The following CCDC34 variants were observed in gnomAD, a reference collection of about 807,000 sequenced individuals.
The protein encoded by CCDC34 is coiled-coil domain containing 34.
In CCDC34, 40 loss-of-function variants were observed where a neutral mutation model predicts 44.1. That is an observed-to-expected ratio of 0.91 (90% CI 0.70 to 1.18). The LOEUF (loss-of-function observed/expected upper bound fraction) is 1.18. Among genes scored for constraint, CCDC34 ranks in the 50% most tolerant of loss-of-function variants. CCDC34 has a pLI of 0.00. For missense variants in CCDC34, 466 were observed against 452.3 expected (o/e 1.03, Z -0.28); for synonymous variants, 159 against 158.2 (o/e 1.01, Z -0.04).
intron 3 of CCDC34, among the ~76,000 whole-genome samples, chr11:27,348,310 A>T (rs1194784925): frequency 2.0e-5 from 3 of 152,250 alleles, no homozygotes; most frequent in Non-Finnish European, 4.4e-5. Context: ...ATCTGAATTA[A>T]TGTCTTACAT....
intron 2 of CCDC34, 77 bp downstream of exon 2, chr11:27,357,326 T>G: frequency 7.1e-7 from 1 of 1,414,098 alleles, no homozygotes; most frequent in Non-Finnish European, 9.6e-7. Flanking sequence ...AATAATAACA[T>G]TAACATTTTA....
At chr11:27,359,415 G>C (rs1862626643) in intron 1 of CCDC34, among the ~76,000 whole-genome samples, 1 of 152,158 alleles carries the variant, frequency 6.6e-6, no homozygotes, top group Admixed American at 6.5e-5. Context: ...CAGATTAAGA[G>C]CTTAGATTTG....
intron 3 of CCDC34, among the ~76,000 whole-genome samples, chr11:27,345,700 G>C (rs1590324352): frequency 6.6e-6 from 1 of 152,108 alleles, no homozygotes; most frequent in South Asian, 2.1e-4. Context: ...GGACATTTGG[G>C]TTGGTTCCAA....
At chr11:27,346,955 G>A (rs945049024) in intron 3 of CCDC34, among the ~76,000 whole-genome samples, 7 of 152,202 alleles carry the variant, frequency 4.6e-5, no homozygotes, top group African/African-American at 1.7e-4. Flanking sequence ...GCCGTGGAGA[G>A]AGGCCACAGG....
chr11:27,363,004 C>T lies in CCDC34; in HGVS notation c.191G>A (p.Arg64Lys). 1 of 1,614,212 alleles carries T rather than the reference C, an allele frequency of 6.2e-7. No homozygotes were observed. The change falls in exon 1 of 6, where the codon AGG becomes AAG. Residue 64 changes from arginine to lysine, a missense_variant. By Grantham distance (26) the Arg-to-Lys change is conservative. Transcript: ENST00000328697. Reference sequence around the variant, plus strand: ...GTGGCCAAGGGGAGACAACAGCGACCTGGTGGAATTGCTGCAGCTCAGCGG... The same window carrying T: ...GTGGCCAAGGGGAGACAACAGCGACTTGGTGGAATTGCTGCAGCTCAGCGG... ...PLPLSCSNST[R>K]SLLSPLGHQS...
At position 27,356,941 on chromosome 11, in the gene CCDC34, TGGGGGGGGGC is replaced by T. The variant is rs1157939990; in HGVS notation, c.498+452_498+461del. 2.5e-4 allele frequency among the ~76,000 whole-genome samples: 9 copies of T among 35,316 alleles called. 1 individual carries two copies. In the East Asian group the frequency reaches 5.7e-3, roughly 22 times the overall value. The allele number at this position is 35,316 out of a possible 152,430, so 23.2% of individuals were successfully genotyped here. On this transcript the variant is annotated intron_variant, in intron 2 of 5. Coordinates refer to ENST00000328697, the MANE Select transcript of CCDC34 (RefSeq NM_030771.2). ...TGGGGTGGGGTGGGGTTGGGGGTGG[TGGGGGGGGGC>T]AGGTAGATTCTTGCCTCTATTTTGT...
chr11:27,359,945 T>G (rs1270022181), intron 1 of CCDC34, among the ~76,000 whole-genome samples: 1 of 152,148 alleles, frequency 6.6e-6, no homozygotes, highest in Non-Finnish European at 1.5e-5. Flanking sequence ...AAAATATATC[T>G]CAACTCATTT....
In CCDC34 at chr11:27,357,457, C is replaced by A; in HGVS notation, c.444G>T (p.Trp148Cys). The A allele has an allele frequency of 6.2e-7, 1 of 1,613,978 alleles. No individual in the cohort carries two copies. The highest frequency in any genetic ancestry group is 8.5e-7 in the Non-Finnish European group (1 of 1,179,904). ...GTTCTTCTTTTTCTTTGCCAATAAA[C>A]CACACCTCCCATGGTGTCAGGCGGC... ...PESRLTPWEV[W>C]FIGKEKEERD... The change falls in exon 2 of 6, where the codon TGG becomes TGT. Residue 148 changes from tryptophan (W) to cysteine (C), a missense_variant. Transcript: ENST00000328697.
At chr11:27,341,746 T>G (rs1268338684) in intron 3 of CCDC34, among the ~76,000 whole-genome samples, 196 bp from the exon 4 acceptor site, 1 of 152,186 alleles carries the variant, frequency 6.6e-6, no homozygotes, top group Non-Finnish European at 1.5e-5. Flanking sequence ...GTCTACCTGC[T>G]GGGCTATAAG....
chr11:27,340,623 T>G (rs1590321298), intron 5 of CCDC34, 73 bp downstream of exon 5: 2 of 1,380,634 alleles, frequency 1.4e-6, no homozygotes, highest in Non-Finnish European at 2.0e-6. Flanking sequence ...CACATTTCTA[T>G]TTCTGTCAAA....
At chr11:27,354,978 C>G (rs986551973) in intron 2 of CCDC34, among the ~76,000 whole-genome samples, 3 of 152,114 alleles carry the variant, frequency 2.0e-5, no homozygotes, top group Non-Finnish European at 2.9e-5. Context: ...TTTCTAATGT[C>G]ACAGAATTAG....
chr11:27,351,907 G>A (rs1483593402), intron 2 of CCDC34, among the ~76,000 whole-genome samples: 8 of 152,130 alleles, frequency 5.3e-5, no homozygotes, highest in Non-Finnish European at 2.9e-5. Context: ...TAGGTAGATG[G>A]AGAAGGTCTT....
At position 27,338,948 on chromosome 11, in the gene CCDC34, G is replaced by A; in HGVS notation, c.995C>T (p.Ala332Val). 1 of 1,613,778 alleles carries A rather than the reference G, an allele frequency of 6.2e-7. No homozygotes were observed. Reference sequence around the variant, plus strand: ...ACTCTTCCTTCCTGATAGATCCTTAGCTTCTTTGGGAGGTGGCATATGAAT... The same window carrying A: ...ACTCTTCCTTCCTGATAGATCCTTAACTTCTTTGGGAGGTGGCATATGAAT... ...KPIHMPPPKEAKDLSGRKSKR... is the reference protein window; with the variant it reads ...KPIHMPPPKEVKDLSGRKSKR... Residue 332 changes from alanine to valine, a missense_variant, in exon 6 of 6, where the codon GCT (alanine) becomes GTT (valine). Transcript: ENST00000328697.
intron 1 of CCDC34, among the ~76,000 whole-genome samples, chr11:27,359,343 G>A (rs1050727868): frequency 1.3e-5 from 2 of 151,970 alleles, no homozygotes; most frequent in African/African-American, 4.8e-5. Context: ...AATGTGCCAC[G>A]CCCCATGCCC....
chr11:27,357,387 C>A lies in CCDC34; in HGVS notation c.498+16G>T. Reference sequence around the variant, plus strand: ...GAGCTCACAGATTAAATAAAAAGAACACTGTCTAGTTTTACCTCTAGAGCT... The same window carrying A: ...GAGCTCACAGATTAAATAAAAAGAAAACTGTCTAGTTTTACCTCTAGAGCT... On this transcript the variant is annotated intron_variant, in intron 2 of 5. Transcript: ENST00000328697. The A allele has an allele frequency of 6.2e-7, 1 of 1,603,636 alleles. No homozygotes were observed. The highest frequency in any genetic ancestry group is 8.5e-7 in the Non-Finnish European group (1 of 1,174,822).
chr11:27,339,683 A>G (rs541036157), intron 5 of CCDC34, among the ~76,000 whole-genome samples: 6 of 152,338 alleles, frequency 3.9e-5, no homozygotes, highest in Admixed American at 1.3e-4. Flanking sequence ...TGACACAAAA[A>G]TTCCTTTATT....
chr11:27,349,993 A>T (rs10734392), intron 3 of CCDC34: 783,680 of 1,154,882 alleles, frequency 0.68, 266,826 homozygotes, highest in Admixed American at 0.76. Flanking sequence ...GGGAGGATGG[A>T]TTTACGAAGG....
chr11:27,343,324 C>A (rs551503047), intron 3 of CCDC34, among the ~76,000 whole-genome samples: 1 of 152,018 alleles, frequency 6.6e-6, no homozygotes, highest in Non-Finnish European at 1.5e-5. Flanking sequence ...ATTGCTTGAA[C>A]CCAGGAGGCG....
At chr11:27,344,399 TACAA>T (rs1590323497) in intron 3 of CCDC34, among the ~76,000 whole-genome samples, 1 of 152,118 alleles carries the variant, frequency 6.6e-6, no homozygotes, top group Middle Eastern at 3.2e-3. Flanking sequence ...TGCTGCATGT[TACAA>T]ACATGTATGC....
Sources: allele counts gnomAD v4.1 joint callset (sites outside exome capture counted in the v4.1 genomes callset), GRCh38; gene constraint gnomAD v4.1.1; transcripts MANE v1.5; gene names NCBI Gene and HGNC (gene_info 2026-07-23, HGNC 2026-07-21).